Variants in PTPRD observed in about 807,000 individuals in gnomAD.
The protein encoded by PTPRD is receptor-type tyrosine-protein phosphatase delta.
PTPRD carries 34 observed loss-of-function variants against 214.5 expected under a neutral mutation model. The ratio of observed to expected loss-of-function variants is 0.16; its 90% CI spans 0.12 to 0.21. The LOEUF (loss-of-function observed/expected upper bound fraction) is 0.21, where lower values mean the gene tolerates loss of function less well. Ranked by LOEUF, PTPRD falls within the 10% of genes least tolerant of loss-of-function variation. The probability of loss-of-function intolerance (pLI) is 1.00; values close to 1 mark genes in which losing one functional copy is unlikely to be tolerated. For missense variants in PTPRD, 2,545 were observed against 2,398.7 expected, an observed-to-expected ratio of 1.06 and a Z score of -1.27; for synonymous variants, 1,128 against 845.7, an observed-to-expected ratio of 1.33 and a Z score of -5.79.
chr9:10,576,201 C>G (rs2069255671), intron 2 of PTPRD, among the ~76,000 whole-genome samples: 1 of 152,058 alleles, frequency 6.6e-6, no homozygotes, highest in East Asian at 1.9e-4. Flanking sequence ...TTTCTTACTG[C>G]ATTGATTTTT....
intron 11 of PTPRD, among the ~76,000 whole-genome samples, chr9:9,005,980 G>A (rs1342589086): frequency 6.6e-6 from 1 of 152,004 alleles, no homozygotes; most frequent in East Asian, 1.9e-4. Flanking sequence ...AGCTTCTGGG[G>A]CTCCTGTCTG....
At chr9:10,116,106 T>G (rs2197046) in intron 3 of PTPRD, among the ~76,000 whole-genome samples, 16,585 of 152,138 alleles carry the variant, frequency 0.11, 1,064 homozygotes, top group South Asian at 0.27. Context: ...GGAGTAAAGT[T>G]CAACATAAAC....
At chr9:9,281,749 A>G (rs1203732006) in intron 9 of PTPRD, among the ~76,000 whole-genome samples, 1 of 151,278 alleles carries the variant, frequency 6.6e-6, no homozygotes, top group African/African-American at 2.4e-5. Flanking sequence ...ACTCCTTTGT[A>G]TTTACTCAAG....
At chr9:9,248,645 A>G (rs1344944057) in intron 9 of PTPRD, among the ~76,000 whole-genome samples, 2 of 152,066 alleles carry the variant, frequency 1.3e-5, no homozygotes, top group African/African-American at 4.8e-5. Flanking sequence ...GAGGCTGTAT[A>G]AAATAGTTCT....
chr9:10,465,406 G>A (rs910606677), intron 2 of PTPRD, among the ~76,000 whole-genome samples: 1 of 152,090 alleles, frequency 6.6e-6, no homozygotes, highest in Non-Finnish European at 1.5e-5. Flanking sequence ...ATGAACTGGG[G>A]TCGCTCTATT....
intron 5 of PTPRD, among the ~76,000 whole-genome samples, chr9:9,806,603 C>A (rs909443936): frequency 3.9e-5 from 6 of 152,090 alleles, no homozygotes; most frequent in African/African-American, 1.4e-4. Flanking sequence ...CAATGATAAT[C>A]CCACCACCCT....
chr9:8,630,460 G>A (rs1325480200), intron 14 of PTPRD, among the ~76,000 whole-genome samples: 2 of 151,632 alleles, frequency 1.3e-5, no homozygotes, highest in African/African-American at 4.8e-5. Flanking sequence ...GTGACTCCAG[G>A]AAACAAAAAT....
At chr9:9,633,217 C>T (rs1006835817) in intron 7 of PTPRD, among the ~76,000 whole-genome samples, 1 of 151,840 alleles carries the variant, frequency 6.6e-6, no homozygotes, top group African/African-American at 2.4e-5. Flanking sequence ...ATCACTTGAA[C>T]CTGGGAGGCG....
chr9:8,373,913 T>TCTACCTAC lies in PTPRD; in HGVS notation c.4661+2015_4661+2022dup, dbSNP rs151277325. On this transcript the variant is annotated intron_variant, in intron 39 of 45. Coordinates refer to ENST00000381196, the MANE Select transcript of PTPRD (RefSeq NM_002839.4). ...ATCTATCTATCTATCTATCTATCTA[T>TCTACCTAC]CTACCTACCTACCTATCTCAGTTTT... 7.8e-3 allele frequency among the ~76,000 whole-genome samples: 615 copies of TCTACCTAC among 78,468 alleles called. 5 individuals carry two copies. Among genetic ancestry groups the TCTACCTAC allele is most frequent in the Middle Eastern group, 0.038 (5 of 132 alleles). The allele number at this position is 78,468 out of a possible 152,430, so 51.5% of individuals were successfully genotyped here. A position where few individuals can be genotyped will look rare whatever the true frequency, so the allele number is the denominator to read the frequency against.
chr9:10,249,081 A>C lies in PTPRD; in HGVS notation c.-545+91882T>G, dbSNP rs4741022. 2.6e-5 allele frequency among the ~76,000 whole-genome samples: 4 copies of C among 151,968 alleles called. No individual in the cohort carries two copies. The East Asian group carries it at 7.8e-4, about 30-fold the overall frequency. ...TTCTTCTGCAGATCTTATATATCTTAAGTCAGCAAATTTGACCTGCATTTC... is the reference window on the plus strand; with the variant it reads ...TTCTTCTGCAGATCTTATATATCTTCAGTCAGCAAATTTGACCTGCATTTC... On this transcript the variant is annotated intron_variant, in intron 3 of 45. Transcript: ENST00000381196.
At chr9:9,808,945 T>G (rs553025476) in intron 5 of PTPRD, among the ~76,000 whole-genome samples, 2 of 101,098 alleles carry the variant, frequency 2.0e-5, no homozygotes, top group East Asian at 4.9e-4. Flanking sequence ...TAATTTTTAT[T>G]TTGTATTTTT....
At chr9:8,832,879 A>G (rs554579002) in intron 11 of PTPRD, among the ~76,000 whole-genome samples, 2 of 152,120 alleles carry the variant, frequency 1.3e-5, no homozygotes, top group Non-Finnish European at 2.9e-5. Context: ...AAGAACAAAA[A>G]ATAATATCTG....
At chr9:9,219,205 A>T (rs1593847221) in intron 9 of PTPRD, among the ~76,000 whole-genome samples, 1 of 152,138 alleles carries the variant, frequency 6.6e-6, no homozygotes, top group Admixed American at 6.6e-5. Context: ...AGGCATTTAC[A>T]AACTTTTACA....
chr9:9,982,750 T>TA lies in PTPRD; in HGVS notation c.-471-44141dup, dbSNP rs1169230258. Among the ~76,000 whole-genome samples the TA allele has an allele frequency of 3.3e-5, 5 of 151,906 alleles. No homozygotes were observed. In the South Asian group the frequency reaches 6.2e-4, roughly 19 times the overall value. The stretch of plus-strand genomic sequence containing the variant: ...TCTCAGAGCAAAAGGTCCTAAAAAT[T>TA]AAAAAAATAAAATAAAATAAAAGCT... On this transcript the variant is annotated intron_variant, in intron 4 of 45. Transcript: ENST00000381196.
chr9:8,615,588 G>T (rs1255237577), intron 14 of PTPRD, among the ~76,000 whole-genome samples: 1 of 152,022 alleles, frequency 6.6e-6, no homozygotes, highest in East Asian at 1.9e-4. Context: ...AGCCTCAAGG[G>T]TAAAAATGTC....
chr9:8,385,513 C>G (rs2086668620), intron 37 of PTPRD, among the ~76,000 whole-genome samples: 1 of 152,070 alleles, frequency 6.6e-6, no homozygotes, highest in African/African-American at 2.4e-5. Context: ...GACTCTGTCT[C>G]TAAAAGAAAA....
chr9:10,257,680 T>C (rs1564831769), intron 3 of PTPRD, among the ~76,000 whole-genome samples: 1 of 152,176 alleles, frequency 6.6e-6, no homozygotes, highest in South Asian at 2.1e-4. Flanking sequence ...TGACCCCACC[T>C]GGACCAGTCA....
At chr9:8,938,243 A>C (rs1229003515) in intron 11 of PTPRD, among the ~76,000 whole-genome samples, 3 of 151,772 alleles carry the variant, frequency 2.0e-5, no homozygotes, top group Non-Finnish European at 4.4e-5. Flanking sequence ...ATTGGATTTT[A>C]GGGGAGAGAA....
At chr9:8,634,570 T>C (rs1314191792) in intron 13 of PTPRD, among the ~76,000 whole-genome samples, 1 of 152,114 alleles carries the variant, frequency 6.6e-6, no homozygotes, top group East Asian at 1.9e-4. Context: ...ATATTCAAAA[T>C]GGCCCATTTC....
Sources: allele counts gnomAD v4.1 joint callset (sites outside exome capture counted in the v4.1 genomes callset), GRCh38; gene constraint gnomAD v4.1.1; transcripts MANE v1.5; gene names NCBI Gene and HGNC (gene_info 2026-07-23, HGNC 2026-07-21).